PREPL: variants seen among roughly 807,000 people sequenced by gnomAD.
PREPL encodes the protein prolyl endopeptidase-like.
PREPL carries 77 observed loss-of-function variants against 70.6 expected under a neutral mutation model. That is an observed-to-expected ratio of 1.09 (90% CI 0.91 to 1.32). The LOEUF is 1.32. Among genes scored for constraint, PREPL ranks in the 40% most tolerant of loss-of-function variants. PREPL has a pLI of 0.00. For missense variants in PREPL, 1,002 were observed against 778.2 expected (o/e 1.29, Z -3.42); for synonymous variants, 315 against 264.8 (o/e 1.19, Z -1.84).
intron 6 of PREPL, 43 bp downstream of exon 6, chr2:44,339,104 C>T: frequency 3.1e-6 from 5 of 1,607,660 alleles, no homozygotes; most frequent in Non-Finnish European, 4.3e-6. Flanking sequence ...AAGTGTGACA[C>T]TTCTTAACAG....
At chr2:44,352,063 C>T (rs1345860710) in intron 1 of PREPL, among the ~76,000 whole-genome samples, 1 of 152,208 alleles carries the variant, frequency 6.6e-6, no homozygotes, top group African/African-American at 2.4e-5. Flanking sequence ...TTTCTTAGAA[C>T]TTGGGCCCTA....
chr2:44,343,209 G>T (rs1419824868), intron 4 of PREPL, among the ~76,000 whole-genome samples: 1 of 152,170 alleles, frequency 6.6e-6, no homozygotes, highest in Admixed American at 6.6e-5. Context: ...TGGAGAAAAT[G>T]ATGGCTGAAA....
Position 44,320,200 on chromosome 2 carries a change from T to A in PREPL, c.*1156A>T. 1 of 1,611,904 alleles carries A rather than the reference T, an allele frequency of 6.2e-7. No individual in the cohort carries two copies. The highest frequency in any genetic ancestry group is 8.5e-7 in the Non-Finnish European group (1 of 1,178,370). On this transcript the variant is annotated 3_prime_UTR_variant, in exon 14 of 14. Coordinates refer to ENST00000409411, the MANE Select transcript of PREPL (RefSeq NM_001171613.2). ...GTAAATACTTTTTTAAAAAAATAGG[T>A]CCAAAAGACTCAGCCCAGATCGGCT... is the stretch of plus-strand genomic sequence containing the variant.
intron 1 of PREPL, among the ~76,000 whole-genome samples, chr2:44,353,672 C>A (rs1170609876): frequency 6.6e-6 from 1 of 151,582 alleles, no homozygotes. Context: ...CAGACATATA[C>A]AAAAATGAGA....
At chr2:44,349,479 GA>G (rs1197763283) in intron 1 of PREPL, among the ~76,000 whole-genome samples, 1 of 151,996 alleles carries the variant, frequency 6.6e-6, no homozygotes, top group Admixed American at 6.5e-5. Context: ...CACAGCAATT[GA>G]AAAACAGAAT....
rs1267773514 is a variant in PREPL, at chr2:44,319,278, G to C, written c.*2078C>G. 3.9e-5 allele frequency: 6 copies of C among 152,592 alleles called. No individual in the cohort carries two copies. The highest frequency in any genetic ancestry group is 1.2e-4 in the African/African-American group (5 of 41,440). 9.5% of individuals were successfully genotyped at this position (152,592 alleles called of 1,614,324 possible). ...ATACAATTAAATGAACATTATCACT[G>C]ATTTGGCAACAGCTCTTATGAAGAA... is the stretch of plus-strand genomic sequence containing the variant. On this transcript the variant is annotated 3_prime_UTR_variant, in exon 14 of 14. Transcript: ENST00000409411.
chr2:44,349,687 G>A (rs1056358459), intron 1 of PREPL, among the ~76,000 whole-genome samples: 25 of 152,060 alleles, frequency 1.6e-4, no homozygotes, highest in African/African-American at 4.1e-4. Flanking sequence ...ATACGAGGCC[G>A]GGCGCGGTGG....
intron 1 of PREPL, among the ~76,000 whole-genome samples, chr2:44,354,106 T>C (rs543192734): frequency 6.6e-6 from 1 of 151,984 alleles, no homozygotes; most frequent in South Asian, 2.1e-4. Context: ...CAGTAAGCCA[T>C]GTTTGTGCCT....
At chr2:44,324,613 C>G (rs755856611) in intron 10 of PREPL, among the ~76,000 whole-genome samples, 3 of 152,196 alleles carry the variant, frequency 2.0e-5, no homozygotes, top group Non-Finnish European at 4.4e-5. Context: ...CATGGTGGCT[C>G]ATGCCTGTAA....
chr2:44,344,058 T>C, intron 3 of PREPL, 107 bp from the exon 4 acceptor site: 1 of 1,294,200 alleles, frequency 7.7e-7, no homozygotes, highest in East Asian at 2.5e-5. Context: ...TAAGAGGCCA[T>C]ATCCTAGCTT....
chr2:44,317,979 C>G lies in PREPL; in HGVS notation c.*3377G>C. 1 of 276,678 alleles carries G rather than the reference C, an allele frequency of 3.6e-6. No individual in the cohort carries two copies. Among genetic ancestry groups the G allele is most frequent in the South Asian group, 2.9e-5 (1 of 34,948 alleles). The allele number at this position is 276,678 out of a possible 1,614,324, so 17.1% of individuals were successfully genotyped here. On this transcript the variant is annotated 3_prime_UTR_variant, in exon 14 of 14. Transcript: ENST00000409411. ...CAAGCAAATAATAGAAAGCTTGCAA[C>G]CCAGCTATAGCTATAAACACAAAAA...
At chr2:44,332,067 C>G (rs1411749888) in intron 8 of PREPL, among the ~76,000 whole-genome samples, 1 of 151,848 alleles carries the variant, frequency 6.6e-6, no homozygotes, top group Non-Finnish European at 1.5e-5. Context: ...CTGCCTCAGC[C>G]TCCCAAGTAG....
chr2:44,339,402 T>G, intron 5 of PREPL, 39 bp from the exon 6 acceptor site: 3 of 1,603,950 alleles, frequency 1.9e-6, no homozygotes, highest in Non-Finnish European at 2.6e-6. Flanking sequence ...ACAGTTTATT[T>G]CAGATGCATG....
chr2:44,333,705 C>T (rs957361231), intron 7 of PREPL, among the ~76,000 whole-genome samples: 10 of 152,118 alleles, frequency 6.6e-5, no homozygotes, highest in South Asian at 2.1e-4. Context: ...ATGTATGCTT[C>T]TCACATTGAG....
In PREPL at chr2:44,340,016, ATG is replaced by A. The variant is rs559871786; in HGVS notation, c.486-655_486-654del. 4.3e-3 allele frequency among the ~76,000 whole-genome samples: 657 copies of A among 152,066 alleles called. 2 individuals are homozygous for A. Among genetic ancestry groups the A allele is most frequent in the African/African-American group, 0.015 (607 of 41,514 alleles). ...TCCTTCTAAGTTATATTTATATTTC[ATG>A]TGTGTCTTTAAATAGATGTAATTAT... On this transcript the variant is annotated intron_variant, in intron 5 of 13. Transcript: ENST00000409411.
Position 44,332,622 on chromosome 2 carries a change from G to A in PREPL, c.923C>T (p.Thr308Ile), listed in dbSNP as rs751710399. 5 of 1,613,778 alleles carry A rather than the reference G, an allele frequency of 3.1e-6. No individual in the cohort carries two copies. Among genetic ancestry groups the A allele is most frequent in the Non-Finnish European group, 4.2e-6 (5 of 1,179,816 alleles). The change falls in exon 8 of 14, where the codon ACA becomes ATA. Residue 308 changes from threonine (T) to isoleucine (I), a missense_variant. Transcript: ENST00000409411. ...GGGGCAGTTCTTTGGGTCAGAATTTGTATCCATTATGAATCCACAGGCCCA... is the reference window on the plus strand; with the variant it reads ...GGGGCAGTTCTTTGGGTCAGAATTTATATCCATTATGAATCCACAGGCCCA... Reference protein sequence around the residue: ...PPWACGFIMDTNSDPKNCPFQ... With the variant: ...PPWACGFIMDINSDPKNCPFQ...
In PREPL at chr2:44,330,002, G is replaced by A. The variant is rs543657723; in HGVS notation, c.1087-890C>T. Among the ~76,000 whole-genome samples the A allele has an allele frequency of 4.4e-4, 67 of 152,128 alleles. 4 individuals are homozygous for A. In the South Asian group the frequency reaches 0.013, roughly 30 times the overall value. On this transcript the variant is annotated intron_variant, in intron 8 of 13. Transcript: ENST00000409411. ...TCTCATTTTGAAAACTTCACTTTGG[G>A]GCAATAACTGGAGACAGCAAAATGT...
intron 10 of PREPL, among the ~76,000 whole-genome samples, 185 bp from the exon 11 acceptor site, chr2:44,323,596 T>C (rs1475565610): frequency 2.0e-5 from 3 of 152,188 alleles, no homozygotes; most frequent in African/African-American, 7.2e-5. Context: ...ACTTTTAAAG[T>C]CTTCAGATTC....
chr2:44,324,531 G>A (rs1376850371), intron 10 of PREPL, among the ~76,000 whole-genome samples: 1 of 152,140 alleles, frequency 6.6e-6, no homozygotes, highest in Non-Finnish European at 1.5e-5. Context: ...TACCCAAGGT[G>A]AAAGAAGAGA....
Sources: allele counts gnomAD v4.1 joint callset (sites outside exome capture counted in the v4.1 genomes callset), GRCh38; gene constraint gnomAD v4.1.1; transcripts MANE v1.5; gene names NCBI Gene and HGNC (gene_info 2026-07-23, HGNC 2026-07-21).